The following KIF6 variants were observed in gnomAD, a reference collection of about 807,000 sequenced individuals.
KIF6 encodes kinesin family member 6, also known as kinesin-like protein KIF6.
In KIF6, 106 loss-of-function variants were observed where a neutral mutation model predicts 112.7. The ratio of observed to expected loss-of-function variants is 0.94; its 90% CI spans 0.80 to 1.11. The LOEUF (loss-of-function observed/expected upper bound fraction) is 1.11, where lower values mean the gene tolerates loss of function less well. Among genes scored for constraint, KIF6 ranks in the 50% least tolerant of loss-of-function variants. KIF6 has a pLI of 0.00. For missense variants in KIF6, 929 were observed against 964.0 expected (o/e 0.96, Z 0.48); for synonymous variants, 339 against 339.9 (o/e 1.00, Z 0.03).
At chr6:39,546,911 C>G (rs1207768635) in intron 10 of KIF6, among the ~76,000 whole-genome samples, 1 of 151,354 alleles carries the variant, frequency 6.6e-6, no homozygotes, top group Admixed American at 6.6e-5. Flanking sequence ...GAGGGAAATT[C>G]TTGGCTCTTA....
chr6:39,504,232 AT>A (rs1776308371), intron 13 of KIF6, among the ~76,000 whole-genome samples: 1 of 152,246 alleles, frequency 6.6e-6, no homozygotes, highest in African/African-American at 2.4e-5. Flanking sequence ...GATTCATCAA[AT>A]AAACAGAACT....
At chr6:39,454,875 A>G (rs1413023098) in intron 13 of KIF6, among the ~76,000 whole-genome samples, 4 of 152,166 alleles carry the variant, frequency 2.6e-5, no homozygotes, top group Non-Finnish European at 5.9e-5. Flanking sequence ...TCCTACGCCC[A>G]CCGAATCTCG....
At chr6:39,518,554 C>T (rs1000807372) in intron 13 of KIF6, among the ~76,000 whole-genome samples, 6 of 152,158 alleles carry the variant, frequency 3.9e-5, no homozygotes, top group Admixed American at 3.3e-4. Flanking sequence ...AAGTACTATA[C>T]TACAGTCTTC....
chr6:39,552,803 G>T (rs1779462308), intron 10 of KIF6, among the ~76,000 whole-genome samples: 1 of 152,074 alleles, frequency 6.6e-6, no homozygotes, highest in South Asian at 2.1e-4. Context: ...CAAAGGATGG[G>T]GTTCTTTTTG....
At chr6:39,433,101 T>G (rs1952362) in intron 13 of KIF6, among the ~76,000 whole-genome samples, 35,361 of 152,096 alleles carry the variant, frequency 0.23, 4,571 homozygotes, top group South Asian at 0.39. Flanking sequence ...GACAGCTGGG[T>G]GGAAAGGACC....
intron 13 of KIF6, among the ~76,000 whole-genome samples, chr6:39,523,278 T>C (rs979037448): frequency 6.6e-6 from 1 of 152,170 alleles, no homozygotes; most frequent in Non-Finnish European, 1.5e-5. Context: ...TGACTGCTGT[T>C]ACAACGTCCT....
chr6:39,424,332 C>T (rs1581823541), intron 14 of KIF6, among the ~76,000 whole-genome samples: 1 of 152,328 alleles, frequency 6.6e-6, no homozygotes, highest in East Asian at 1.9e-4. Flanking sequence ...CCCTGCACTT[C>T]TGCCATCATA....
At chr6:39,635,266 C>A (rs959649254) in intron 4 of KIF6, among the ~76,000 whole-genome samples, 5 of 151,884 alleles carry the variant, frequency 3.3e-5, no homozygotes, top group African/African-American at 1.2e-4. Flanking sequence ...GTATAACACA[C>A]CATTTTTTTT....
chr6:39,616,404 C>CT (rs1355574251), intron 5 of KIF6, among the ~76,000 whole-genome samples: 5 of 152,168 alleles, frequency 3.3e-5, no homozygotes, highest in Non-Finnish European at 7.3e-5. Flanking sequence ...GTGTTCCTCA[C>CT]TTTTTTCTGA....
At chr6:39,564,933 A>C in intron 10 of KIF6, among the ~76,000 whole-genome samples, 1 of 152,218 alleles carries the variant, frequency 6.6e-6, no homozygotes, top group Non-Finnish European at 1.5e-5. Context: ...CTTTATCAGC[A>C]CTAGGAAATC....
chr6:39,465,145 CGGGG>C (rs1773711303), intron 13 of KIF6, among the ~76,000 whole-genome samples: 1 of 152,068 alleles, frequency 6.6e-6, no homozygotes, highest in Admixed American at 6.5e-5. Flanking sequence ...GGTAGGCGGG[CGGGG>C]ATATCATACC....
At chr6:39,367,048 T>C (rs1277511474) in intron 16 of KIF6, among the ~76,000 whole-genome samples, 2 of 152,108 alleles carry the variant, frequency 1.3e-5, no homozygotes, top group East Asian at 3.9e-4. Context: ...CACAGCACAC[T>C]CCACGACACA....
At chr6:39,425,538 C>T (rs1434619490) in intron 14 of KIF6, among the ~76,000 whole-genome samples, 1 of 152,098 alleles carries the variant, frequency 6.6e-6, no homozygotes, top group Non-Finnish European at 1.5e-5. Context: ...CTCCCCTGAC[C>T]CTCCAGAAGC....
At chr6:39,607,312 C>A (rs1016700615) in intron 6 of KIF6, among the ~76,000 whole-genome samples, 4 of 151,894 alleles carry the variant, frequency 2.6e-5, no homozygotes, top group African/African-American at 9.7e-5. Context: ...CATGTAATAC[C>A]ATTAAATCAG....
intron 16 of KIF6, among the ~76,000 whole-genome samples, chr6:39,380,082 G>A (rs1014048344): frequency 6.6e-6 from 1 of 152,198 alleles, no homozygotes; most frequent in East Asian, 1.9e-4. Flanking sequence ...ATTTGGGGTC[G>A]ATAGTACAGT....
chr6:39,569,140 A>G (rs1780505219), intron 10 of KIF6, among the ~76,000 whole-genome samples: 1 of 152,152 alleles, frequency 6.6e-6, no homozygotes, highest in Admixed American at 6.5e-5. Flanking sequence ...AATGTTTTTA[A>G]TAGTGGTTTT....
At chr6:39,710,907 T>A (rs1789512423) in intron 3 of KIF6, among the ~76,000 whole-genome samples, 1 of 151,828 alleles carries the variant, frequency 6.6e-6, no homozygotes, top group Non-Finnish European at 1.5e-5. Flanking sequence ...CATGTGTAAT[T>A]TCAACTACTC....
At chr6:39,347,891 C>G (rs1482338373) in intron 19 of KIF6, among the ~76,000 whole-genome samples, 1 of 152,264 alleles carries the variant, frequency 6.6e-6, no homozygotes, top group African/African-American at 2.4e-5. Context: ...GGAAGCCCCC[C>G]CTCACCCACC....
chr6:39,421,749 T>G (rs1170492451), intron 14 of KIF6, among the ~76,000 whole-genome samples: 11 of 152,150 alleles, frequency 7.2e-5, no homozygotes. Context: ...CATCGTAGAT[T>G]ATGTATGTTC....
Sources: allele counts gnomAD v4.1 joint callset (sites outside exome capture counted in the v4.1 genomes callset), GRCh38; gene constraint gnomAD v4.1.1; transcripts MANE v1.5; gene names NCBI Gene and HGNC (gene_info 2026-07-23, HGNC 2026-07-21).